The following CHMP4B variants were observed in gnomAD, a reference collection of about 807,000 sequenced individuals.
The protein encoded by CHMP4B is charged multivesicular body protein 4B, also known as SNF7 homolog associated with Alix 1.
A neutral mutation model predicts 25.1 loss-of-function variants in CHMP4B; 1 was observed. The observed-to-expected ratio is 0.04, with a 90% CI of 0.01 to 0.19. The LOEUF (loss-of-function observed/expected upper bound fraction) is 0.19. CHMP4B is among the 10% of genes least tolerant of loss of function. The pLI, the probability that CHMP4B is intolerant of heterozygous loss-of-function variation, is 1.00. For synonymous variants in CHMP4B, 101 were observed against 115.6 expected (o/e 0.87, Z 0.81); for missense variants, 151 against 289.7 (o/e 0.52, Z 3.48).
chr20:33,811,424 C>G lies in CHMP4B; in HGVS notation c.-45C>G. 1 of 1,442,590 alleles carries G rather than the reference C, an allele frequency of 6.9e-7. No homozygotes were observed. The allele number at this position is 1,442,590 out of a possible 1,614,324, so 89.4% of individuals were successfully genotyped here. A position where few individuals can be genotyped will look rare whatever the true frequency, so the allele number is the denominator to read the frequency against. On this transcript the variant is annotated 5_prime_UTR_variant, in exon 1 of 5. Transcript: ENST00000217402. Reference sequence around the variant, plus strand: ...CCGACCCGAGCCGAGCCGAGCCGAGCCGAGCCGGAGCGGGCGGCGAAGGCC... The same window carrying G: ...CCGACCCGAGCCGAGCCGAGCCGAGGCGAGCCGGAGCGGGCGGCGAAGGCC...
At chr20:33,813,349 G>A (rs971526527) in intron 1 of CHMP4B, among the ~76,000 whole-genome samples, 8 of 152,100 alleles carry the variant, frequency 5.3e-5, no homozygotes, top group African/African-American at 1.9e-4. Context: ...ATTCCAAGTG[G>A]ATGGAAAGTT....
At chr20:33,835,434 C>A (rs1252949304) in intron 1 of CHMP4B, among the ~76,000 whole-genome samples, 1 of 152,182 alleles carries the variant, frequency 6.6e-6, no homozygotes, top group Admixed American at 6.5e-5. Context: ...ACCTGCCCTC[C>A]TCCTTTGGGG....
chr20:33,818,004 C>A (rs141353774), intron 1 of CHMP4B, among the ~76,000 whole-genome samples: 10 of 152,130 alleles, frequency 6.6e-5, no homozygotes, highest in African/African-American at 2.4e-4. Context: ...TTGGTAGTTA[C>A]TTATATTTCT....
At chr20:33,852,681 G>C (rs565731578) in intron 4 of CHMP4B, among the ~76,000 whole-genome samples, 12 of 152,326 alleles carry the variant, frequency 7.9e-5, no homozygotes, top group African/African-American at 2.9e-4. Context: ...CTAAAGAAGA[G>C]AAAGTTCCAG....
At chr20:33,832,602 C>T (rs375892334) in intron 1 of CHMP4B, among the ~76,000 whole-genome samples, 103 of 152,208 alleles carry the variant, frequency 6.8e-4, no homozygotes, top group Non-Finnish European at 1.2e-3. Flanking sequence ...AAAGTGCCTT[C>T]GTTGCCTCAG....
At chr20:33,844,399 T>C (rs940501068) in intron 1 of CHMP4B, among the ~76,000 whole-genome samples, 1 of 152,248 alleles carries the variant, frequency 6.6e-6, no homozygotes, top group African/African-American at 2.4e-5. Flanking sequence ...GTCATTGTGC[T>C]GGATTGCTGA....
At chr20:33,816,875 G>A (rs1198386254) in intron 1 of CHMP4B, among the ~76,000 whole-genome samples, 1 of 152,150 alleles carries the variant, frequency 6.6e-6, no homozygotes, top group African/African-American at 2.4e-5. Flanking sequence ...GTTAATTTAG[G>A]TTTAGCTGAG....
chr20:33,850,133 G>A (rs146783171), intron 2 of CHMP4B, among the ~76,000 whole-genome samples: 1 of 152,346 alleles, frequency 6.6e-6, no homozygotes, highest in African/African-American at 2.4e-5. Context: ...GTCTGTGGCA[G>A]CTTTTGTGCT....
intron 1 of CHMP4B, among the ~76,000 whole-genome samples, chr20:33,844,681 A>T (rs2122810262): frequency 6.6e-6 from 1 of 152,306 alleles, no homozygotes; most frequent in South Asian, 2.1e-4. Context: ...GTATAAAATC[A>T]GTTTCATAAG....
At chr20:33,849,797 G>A (rs1391762140) in intron 2 of CHMP4B, among the ~76,000 whole-genome samples, 1 of 152,080 alleles carries the variant, frequency 6.6e-6, no homozygotes, top group Non-Finnish European at 1.5e-5. Flanking sequence ...TTTGAGACAA[G>A]GTCTTGCTGT....
At chr20:33,832,104 C>T (rs1708206667) in intron 1 of CHMP4B, among the ~76,000 whole-genome samples, 1 of 152,132 alleles carries the variant, frequency 6.6e-6, no homozygotes, top group African/African-American at 2.4e-5. Flanking sequence ...TATTTTTCTG[C>T]CGGCATTTCA....
At chr20:33,851,977 G>A in intron 3 of CHMP4B, 100 bp from the exon 4 acceptor site, 1 of 1,515,314 alleles carries the variant, frequency 6.6e-7, no homozygotes, top group Non-Finnish European at 9.1e-7. Flanking sequence ...GACCTTCTCA[G>A]AGGGGTGTGT....
chr20:33,832,078 G>A (rs1009724214), intron 1 of CHMP4B, among the ~76,000 whole-genome samples: 1 of 152,044 alleles, frequency 6.6e-6, no homozygotes, highest in Non-Finnish European at 1.5e-5. Context: ...TTTCTAACAA[G>A]CGCGCACATT....
In CHMP4B at chr20:33,851,183, A is replaced by G. The variant is rs1979837493; in HGVS notation, c.483+117A>G. ...ATTTGGACTTGGACAGAGACAGGGCATGGTGTTAACCCTCCCTGAATTCTG... is the reference window on the plus strand; with the variant it reads ...ATTTGGACTTGGACAGAGACAGGGCGTGGTGTTAACCCTCCCTGAATTCTG... On this transcript the variant is annotated intron_variant, in intron 3 of 4. Coordinates refer to ENST00000217402, the MANE Select transcript of CHMP4B (RefSeq NM_176812.5). 3 of 756,738 alleles carry G rather than the reference A, an allele frequency of 4.0e-6. No individual in the cohort carries two copies. The Admixed American group carries it at 5.6e-5, about 14-fold the overall frequency. 46.9% of individuals were successfully genotyped at this position (756,738 alleles called of 1,614,324 possible). A position where few individuals can be genotyped will look rare whatever the true frequency, so the allele number is the denominator to read the frequency against.
At chr20:33,825,630 A>G (rs529107959) in intron 1 of CHMP4B, among the ~76,000 whole-genome samples, 1 of 152,346 alleles carries the variant, frequency 6.6e-6, no homozygotes. Flanking sequence ...CAACAGCTAT[A>G]CACTAGGGCA....
In CHMP4B at chr20:33,832,499, T is replaced by A. The variant is rs6059489; in HGVS notation, c.191-15968T>A. Among the ~76,000 whole-genome samples, 363 of 152,368 alleles carry A rather than the reference T, an allele frequency of 2.4e-3. 6 individuals carry two copies. Among genetic ancestry groups the A allele is most frequent in the African/African-American group, 8.5e-3 (352 of 41,588 alleles). ...AGTAAATGATTTGCTTTTTAAAATA[T>A]AACTGTCTTTCCATGTCTGGGGATG... On this transcript the variant is annotated intron_variant, in intron 1 of 4. Coordinates refer to ENST00000217402, the MANE Select transcript of CHMP4B (RefSeq NM_176812.5).
intron 1 of CHMP4B, among the ~76,000 whole-genome samples, chr20:33,843,937 C>T (rs945747488): frequency 2.0e-5 from 3 of 152,222 alleles, no homozygotes; most frequent in Non-Finnish European, 4.4e-5. Context: ...TGTAGCCTTT[C>T]TCTTTGGAGT....
At chr20:33,846,379 A>T (rs933810407) in intron 1 of CHMP4B, among the ~76,000 whole-genome samples, 7 of 152,260 alleles carry the variant, frequency 4.6e-5, no homozygotes. Context: ...GTGTGACTGC[A>T]TGATGGGTTT....
chr20:33,849,678 T>C (rs1341669171), intron 2 of CHMP4B, among the ~76,000 whole-genome samples: 1 of 152,244 alleles, frequency 6.6e-6, no homozygotes, highest in African/African-American at 2.4e-5. Flanking sequence ...TTGGGGGTGC[T>C]AGGTGCCTTT....
Sources: allele counts gnomAD v4.1 joint callset (sites outside exome capture counted in the v4.1 genomes callset), GRCh38; gene constraint gnomAD v4.1.1; transcripts MANE v1.5; gene names NCBI Gene and HGNC (gene_info 2026-07-23, HGNC 2026-07-21).